Variants in CDC123 observed in about 807,000 individuals in gnomAD.
CDC123 encodes the protein cell division cycle 123, also known as translation initiation factor eIF2 assembly protein.
In CDC123, 37 loss-of-function variants were observed where a neutral mutation model predicts 54.4. The observed-to-expected ratio is 0.68, with a 90% confidence interval of 0.52 to 0.89. The LOEUF (loss-of-function observed/expected upper bound fraction) is 0.89. Ranked by LOEUF, CDC123 falls within the 40% of genes least tolerant of loss-of-function variation. CDC123 has a pLI of 0.00. For missense variants in CDC123, 361 were observed against 412.1 expected, an observed-to-expected ratio of 0.88 and a Z score of 1.07; for synonymous variants, 144 against 136.8, an observed-to-expected ratio of 1.05 and a Z score of -0.37.
chr10:12,197,161 A>G (rs545298759), intron 1 of CDC123, among the ~76,000 whole-genome samples: 14 of 152,330 alleles, frequency 9.2e-5, no homozygotes, highest in African/African-American at 2.6e-4. Flanking sequence ...GTACTTAACA[A>G]TTTCGCTTGT....
intron 6 of CDC123, among the ~76,000 whole-genome samples, chr10:12,225,677 C>T (rs1835801367): frequency 1.3e-5 from 2 of 148,314 alleles, no homozygotes; most frequent in East Asian, 4.1e-4. Flanking sequence ...CTGCCATTTA[C>T]TGCTGAGGCA....
At position 12,208,569 on chromosome 10, in the gene CDC123, T is replaced by A. The variant is rs575875016; in HGVS notation, c.147-1398T>A. 8.5e-5 allele frequency among the ~76,000 whole-genome samples: 13 copies of A among 152,332 alleles called. No homozygotes were observed. In the East Asian group the frequency reaches 2.3e-3, roughly 27 times the overall value. On this transcript the variant is annotated intron_variant, in intron 2 of 12. Transcript: ENST00000281141. ...AGACAGAGGCTTGCTGGGGATTTTATAAGATGGTACTTGTGCTGTGTCCTG... is the reference window on the plus strand; with the variant it reads ...AGACAGAGGCTTGCTGGGGATTTTAAAAGATGGTACTTGTGCTGTGTCCTG...
chr10:12,220,948 G>T (rs1361542633), intron 6 of CDC123, among the ~76,000 whole-genome samples: 1 of 151,580 alleles, frequency 6.6e-6, no homozygotes, highest in East Asian at 1.9e-4. Flanking sequence ...CTGCACTTCA[G>T]CCTGGGCGAC....
At chr10:12,223,261 T>G (rs1217833907) in intron 6 of CDC123, among the ~76,000 whole-genome samples, 4 of 151,686 alleles carry the variant, frequency 2.6e-5, no homozygotes, top group Non-Finnish European at 5.9e-5. Flanking sequence ...TGATTATAAT[T>G]ATTATTCGTT....
intron 6 of CDC123, among the ~76,000 whole-genome samples, chr10:12,218,247 CTTTTTTTTTT>C (rs34125393): frequency 1.7e-5 from 2 of 119,198 alleles, no homozygotes; most frequent in East Asian, 2.3e-4. Flanking sequence ...CTTTTTTTTT[CTTTTTTTTTT>C]TTTTTTTGAG....
At chr10:12,221,582 G>T (rs1038957121) in intron 6 of CDC123, among the ~76,000 whole-genome samples, 40 of 152,168 alleles carry the variant, frequency 2.6e-4, no homozygotes, top group African/African-American at 9.2e-4. Context: ...GATTCGTTTA[G>T]ATCAAGCTTG....
At chr10:12,225,866 G>T (rs999012505) in intron 6 of CDC123, among the ~76,000 whole-genome samples, 14 of 145,690 alleles carry the variant, frequency 9.6e-5, no homozygotes, top group African/African-American at 2.8e-4. Flanking sequence ...AGATAAACAT[G>T]TGAACAAGGG....
At chr10:12,202,260 TC>T (rs1835449464) in intron 2 of CDC123, among the ~76,000 whole-genome samples, 1 of 152,202 alleles carries the variant, frequency 6.6e-6, no homozygotes, top group South Asian at 2.1e-4. Flanking sequence ...GAAAGGTTTC[TC>T]TTGTCCCTTT....
At chr10:12,196,414 A>G (rs759008639) in intron 1 of CDC123, 95 bp downstream of exon 1, 1 of 1,516,456 alleles carries the variant, frequency 6.6e-7, no homozygotes, top group East Asian at 2.3e-5. Context: ...CAGGCCTTCT[A>G]GCGACTGCAT....
At chr10:12,237,757 A>C (rs1588682028) in intron 9 of CDC123, among the ~76,000 whole-genome samples, 1 of 152,132 alleles carries the variant, frequency 6.6e-6, no homozygotes, top group Non-Finnish European at 1.5e-5. Flanking sequence ...TTATTTAACT[A>C]AAATCTATTT....
At chr10:12,220,489 A>T (rs974031473) in intron 6 of CDC123, among the ~76,000 whole-genome samples, 2 of 151,930 alleles carry the variant, frequency 1.3e-5, no homozygotes, top group African/African-American at 2.4e-5. Context: ...AATTGGCAGG[A>T]GCAAATGCCA....
At chr10:12,237,378 G>A in intron 9 of CDC123, 112 bp downstream of exon 9, 1 of 773,588 alleles carries the variant, frequency 1.3e-6, no homozygotes, top group Non-Finnish European at 1.8e-6. Flanking sequence ...TGTATTGTAA[G>A]CATTTTACTA....
chr10:12,207,225 G>A (rs12773913), intron 2 of CDC123, among the ~76,000 whole-genome samples: 1 of 151,422 alleles, frequency 6.6e-6, no homozygotes, highest in African/African-American at 2.4e-5. Flanking sequence ...TTCTCTTTCC[G>A]TGTCTTTTTT....
At chr10:12,234,820 C>T (rs1283623927) in intron 7 of CDC123, among the ~76,000 whole-genome samples, 1 of 141,166 alleles carries the variant, frequency 7.1e-6, no homozygotes, top group Non-Finnish European at 1.5e-5. Flanking sequence ...ATGGCGTGAT[C>T]TTGGCTCTCT....
intron 7 of CDC123, among the ~76,000 whole-genome samples, chr10:12,234,194 A>G (rs1835945346): frequency 6.6e-6 from 1 of 152,192 alleles, no homozygotes; most frequent in Non-Finnish European, 1.5e-5. Context: ...TCCTGGGTTC[A>G]AGCGATTCTC....
chr10:12,209,930 T>C (rs773287800), intron 2 of CDC123, 37 bp from the exon 3 acceptor site: 22 of 1,606,282 alleles, frequency 1.4e-5, no homozygotes, highest in Middle Eastern at 3.3e-4. Flanking sequence ...GGTGCCCAAG[T>C]CCTTTTCTTT....
chr10:12,206,230 A>G (rs1356223182), intron 2 of CDC123, among the ~76,000 whole-genome samples: 1 of 152,258 alleles, frequency 6.6e-6, no homozygotes, highest in Non-Finnish European at 1.5e-5. Flanking sequence ...TTTAAAATGT[A>G]TGTTGTTATA....
chr10:12,249,931 C>T, intron 12 of CDC123: 1 of 588,516 alleles, frequency 1.7e-6, no homozygotes, highest in East Asian at 3.1e-5. Flanking sequence ...TGTTTTTATG[C>T]TGTACATGCC....
chr10:12,214,242 G>T (rs1412704320), intron 4 of CDC123, among the ~76,000 whole-genome samples: 1 of 152,184 alleles, frequency 6.6e-6, no homozygotes, highest in African/African-American at 2.4e-5. Flanking sequence ...ATTCTTTCCC[G>T]TTGTAAAGTT....
Sources: gnomAD v4.1 joint callset for allele counts (sites outside exome capture counted in the v4.1 genomes callset) on GRCh38, gnomAD v4.1.1 for gene constraint, MANE v1.5 for transcripts, NCBI Gene and HGNC (gene_info 2026-07-23, HGNC 2026-07-21) for gene names.